The following ERC2 variants were observed in gnomAD, a reference collection of about 807,000 sequenced individuals.
ERC2 encodes the protein ERC protein 2.
ERC2 carries 42 observed loss-of-function variants against 114.8 expected under a neutral mutation model. That is an observed-to-expected ratio of 0.37 (90% CI 0.29 to 0.47). The LOEUF (loss-of-function observed/expected upper bound fraction) is 0.47, where lower values mean the gene tolerates loss of function less well. Among genes scored for constraint, ERC2 ranks in the 20% least tolerant of loss-of-function variants. The probability of loss-of-function intolerance (pLI) is 0.99; values close to 1 mark genes in which losing one functional copy is unlikely to be tolerated. For missense variants in ERC2, 939 were observed against 1,150.7 expected (o/e 0.82, Z 2.66); for synonymous variants, 454 against 425.5 (o/e 1.07, Z -0.82).
chr3:56,331,965 C>T (rs2057638338), intron 2 of ERC2, among the ~76,000 whole-genome samples: 1 of 152,190 alleles, frequency 6.6e-6, no homozygotes, highest in African/African-American at 2.4e-5. Flanking sequence ...TTATGTAAGG[C>T]CTGATTCCTG....
chr3:56,087,305 A>T (rs2077555487), intron 6 of ERC2, among the ~76,000 whole-genome samples: 1 of 152,022 alleles, frequency 6.6e-6, no homozygotes, highest in Admixed American at 6.6e-5. Flanking sequence ...CCAGGTAATA[A>T]CTTGAAAGAA....
chr3:56,071,066 A>ATT (rs1442480657), intron 7 of ERC2, among the ~76,000 whole-genome samples: 3 of 152,192 alleles, frequency 2.0e-5, no homozygotes, highest in Non-Finnish European at 2.9e-5. Flanking sequence ...TAACTTGCCT[A>ATT]TTTAGTAATT....
chr3:55,796,898 AAAC>A lies in ERC2; in HGVS notation c.2565-61983_2565-61981del, dbSNP rs199724193. Among the ~76,000 whole-genome samples the A allele has an allele frequency of 7.3e-3, 1,106 of 152,346 alleles. 12 individuals carry two copies. The highest frequency in any genetic ancestry group is 0.025 in the African/African-American group (1,042 of 41,560). ...GTAAACTTCAATAACTGTTTAAATA[AAAC>A]AACAACCAAAAGGGGAAACAAAAAG... On this transcript the variant is annotated intron_variant, in intron 14 of 17. Coordinates refer to ENST00000288221, the MANE Select transcript of ERC2 (RefSeq NM_015576.3).
intron 17 of ERC2, among the ~76,000 whole-genome samples, chr3:55,671,601 C>G (rs2061562757): frequency 6.6e-6 from 1 of 152,196 alleles, no homozygotes; most frequent in African/African-American, 2.4e-5. Context: ...TTAAGCTCCA[C>G]ATAAGTAAGC....
intron 14 of ERC2, among the ~76,000 whole-genome samples, chr3:55,833,456 A>G (rs1461294513): frequency 1.3e-5 from 2 of 152,088 alleles, no homozygotes; most frequent in African/African-American, 4.8e-5. Flanking sequence ...GCCAATATTC[A>G]ACATTCTTAA....
chr3:55,847,292 C>G (rs560920174), intron 14 of ERC2, among the ~76,000 whole-genome samples: 9 of 152,226 alleles, frequency 5.9e-5, no homozygotes, highest in African/African-American at 2.2e-4. Flanking sequence ...TTTCACCCTC[C>G]TTTTTATTGA....
intron 3 of ERC2, among the ~76,000 whole-genome samples, chr3:56,241,483 C>A (rs1473988838): frequency 6.6e-6 from 1 of 151,992 alleles, no homozygotes; most frequent in Non-Finnish European, 1.5e-5. Context: ...GAAAACAGTG[C>A]GGAGATTTCT....
At chr3:56,162,873 C>T (rs1378431928) in intron 4 of ERC2, among the ~76,000 whole-genome samples, 1 of 151,842 alleles carries the variant, frequency 6.6e-6, no homozygotes, top group Non-Finnish European at 1.5e-5. Context: ...GTGTTCAGTT[C>T]TGCTCTGTTT....
chr3:56,257,313 A>G (rs2052588298), intron 3 of ERC2, among the ~76,000 whole-genome samples: 1 of 152,230 alleles, frequency 6.6e-6, no homozygotes, highest in Admixed American at 6.5e-5. Context: ...CTGCCCTAGT[A>G]AAGTGGCAAA....
intron 15 of ERC2, among the ~76,000 whole-genome samples, chr3:55,703,735 G>A (rs1444268255): frequency 6.6e-6 from 1 of 152,232 alleles, no homozygotes; most frequent in Non-Finnish European, 1.5e-5. Flanking sequence ...ACACATAAGA[G>A]GGAAGATGGG....
In ERC2 at chr3:55,660,088, C is replaced by T. The variant is rs1381329718; in HGVS notation, c.*39+23706G>A. Among the ~76,000 whole-genome samples, 4 of 150,806 alleles carry T rather than the reference C, an allele frequency of 2.7e-5. No individual in the cohort carries two copies. In the Admixed American group the frequency reaches 2.7e-4, roughly 10 times the overall value. ...CATCATTAGCTTCTCATGCAAACCC[C>T]ATCACATTATGGAAGCTCAGTTCAT... is the stretch of plus-strand genomic sequence containing the variant. On this transcript the variant is annotated intron_variant, in intron 17 of 17. Transcript: ENST00000288221.
intron 14 of ERC2, among the ~76,000 whole-genome samples, chr3:55,835,441 G>T (rs958490296): frequency 3.3e-5 from 5 of 152,122 alleles, no homozygotes; most frequent in Non-Finnish European, 7.4e-5. Flanking sequence ...TGCAAGGCTG[G>T]TTCAATATAC....
chr3:55,542,068 A>G (rs572599286), intron 17 of ERC2, among the ~76,000 whole-genome samples: 2 of 152,328 alleles, frequency 1.3e-5, no homozygotes, highest in African/African-American at 4.8e-5. Flanking sequence ...CTGTTGAGAA[A>G]ATTGAGACAG....
intron 3 of ERC2, among the ~76,000 whole-genome samples, chr3:56,178,075 G>A (rs1226942181): frequency 6.6e-6 from 1 of 152,090 alleles, no homozygotes; most frequent in Non-Finnish European, 1.5e-5. Flanking sequence ...TACATGAAGA[G>A]CCTAGAATTT....
intron 15 of ERC2, among the ~76,000 whole-genome samples, chr3:55,732,080 G>A (rs571448035): frequency 2.7e-4 from 41 of 152,122 alleles, no homozygotes; most frequent in East Asian, 7.7e-4. Flanking sequence ...GCTGTGAGTC[G>A]TTGGACTGGT....
At chr3:56,436,594 T>C (rs2062029537) in intron 1 of ERC2, among the ~76,000 whole-genome samples, 2 of 152,116 alleles carry the variant, frequency 1.3e-5, no homozygotes, top group South Asian at 4.1e-4. Context: ...CTCCCTTCAC[T>C]CCACCATCCT....
At chr3:55,689,836 T>C (rs1184879053) in intron 16 of ERC2, among the ~76,000 whole-genome samples, 1 of 147,722 alleles carries the variant, frequency 6.8e-6, no homozygotes, top group South Asian at 2.2e-4. Context: ...GAAAAGAAAA[T>C]GGGACTACCA....
chr3:55,884,085 T>A (rs1308704159), intron 14 of ERC2, among the ~76,000 whole-genome samples: 4 of 152,196 alleles, frequency 2.6e-5, no homozygotes, highest in African/African-American at 4.8e-5. Context: ...TTGAAGGATA[T>A]GAGAACCCTC....
At chr3:55,656,885 G>A (rs150651550) in intron 17 of ERC2, among the ~76,000 whole-genome samples, 2 of 152,320 alleles carry the variant, frequency 1.3e-5, no homozygotes, top group South Asian at 2.1e-4. Context: ...AAGGGGTCAC[G>A]ATGAAGAGAA....
Sources: gnomAD v4.1 joint callset for allele counts (sites outside exome capture counted in the v4.1 genomes callset) on GRCh38, gnomAD v4.1.1 for gene constraint, MANE v1.5 for transcripts, NCBI Gene and HGNC (gene_info 2026-07-23, HGNC 2026-07-21) for gene names.